Variants in MAGI1 observed in about 807,000 individuals in gnomAD.
MAGI1 encodes membrane associated guanylate kinase, WW and PDZ domain containing 1, also known as membrane-associated guanylate kinase, WW and PDZ domain-containing protein 1.
MAGI1 carries 58 observed loss-of-function variants against 139.9 expected under a neutral mutation model. The observed-to-expected ratio is 0.41, with a 90% confidence interval of 0.34 to 0.52. The LOEUF (loss-of-function observed/expected upper bound fraction) is 0.52, where lower values mean the gene tolerates loss of function less well. MAGI1 is among the 20% of genes least tolerant of loss of function. The pLI, the probability that MAGI1 is intolerant of heterozygous loss-of-function variation, is 0.12. For synonymous variants in MAGI1, 812 were observed against 737.9 expected, an observed-to-expected ratio of 1.10 and a Z score of -1.63; for missense variants, 1,874 against 1,901.6, an observed-to-expected ratio of 0.99 and a Z score of 0.27.
chr3:65,544,292 T>C (rs971194064), intron 2 of MAGI1, among the ~76,000 whole-genome samples: 2 of 152,148 alleles, frequency 1.3e-5, no homozygotes, highest in African/African-American at 2.4e-5. Flanking sequence ...AGCAAATGCT[T>C]CCAAGACCAT....
chr3:65,965,170 G>T (rs2064678774), intron 1 of MAGI1, among the ~76,000 whole-genome samples: 1 of 152,150 alleles, frequency 6.6e-6, no homozygotes, highest in South Asian at 2.1e-4. Flanking sequence ...TGTTCCATCT[G>T]CCCAGAGTAT....
chr3:65,375,166 A>G (rs1942378898), intron 18 of MAGI1, among the ~76,000 whole-genome samples: 2 of 151,792 alleles, frequency 1.3e-5, no homozygotes, highest in Non-Finnish European at 2.9e-5. Flanking sequence ...AGTTGAGGAA[A>G]GGGTGAAGAT....
chr3:65,528,147 T>A (rs1328137364), intron 2 of MAGI1, among the ~76,000 whole-genome samples: 1 of 152,136 alleles, frequency 6.6e-6, no homozygotes, highest in Non-Finnish European at 1.5e-5. Context: ...AGAAAAAAAC[T>A]GAAACACCTT....
At chr3:66,015,752 T>C (rs530150659) in intron 1 of MAGI1, among the ~76,000 whole-genome samples, 1 of 152,262 alleles carries the variant, frequency 6.6e-6, no homozygotes, top group South Asian at 2.1e-4. Flanking sequence ...GAAAGAAAAA[T>C]TGACCAAACC....
Position 65,411,486 on chromosome 3 carries a change from A to G in MAGI1, c.2168-10016T>C, listed in dbSNP as rs1421173082. Among the ~76,000 whole-genome samples the G allele has an allele frequency of 2.6e-5, 4 of 152,290 alleles. No individual in the cohort carries two copies. The East Asian group carries it at 7.7e-4, about 29-fold the overall frequency. ...TTGAGAGGGTGATTTTTAACTACAT[A>G]GGATGTACGGGGGGATTATGAAACA... On this transcript the variant is annotated intron_variant, in intron 12 of 22. Transcript: ENST00000402939.
intron 1 of MAGI1, among the ~76,000 whole-genome samples, chr3:65,936,935 G>A (rs1399978545): frequency 1.3e-5 from 2 of 150,736 alleles, no homozygotes; most frequent in African/African-American, 4.9e-5. Context: ...TGGTGGTGGT[G>A]ATGGTGGTGG....
At chr3:65,438,415 G>T (rs1374417944) in intron 9 of MAGI1, among the ~76,000 whole-genome samples, 1 of 152,052 alleles carries the variant, frequency 6.6e-6, no homozygotes, top group Non-Finnish European at 1.5e-5. Flanking sequence ...TTACTTAATG[G>T]GTACAATGTA....
intron 1 of MAGI1, among the ~76,000 whole-genome samples, chr3:65,708,863 G>C (rs2030863687): frequency 6.6e-6 from 1 of 152,146 alleles, no homozygotes; most frequent in South Asian, 2.1e-4. Flanking sequence ...GGTAGGTGAT[G>C]AACATGAGGA....
chr3:65,847,605 T>C (rs1037037219), intron 1 of MAGI1, among the ~76,000 whole-genome samples: 1 of 152,252 alleles, frequency 6.6e-6, no homozygotes, highest in Admixed American at 6.5e-5. Flanking sequence ...TCAAAATACA[T>C]GAATTTAAAA....
In MAGI1 at chr3:66,038,389, T is replaced by C. The variant is rs2069057743; in HGVS notation, c.-81A>G. 1 of 1,489,250 alleles carries C rather than the reference T, an allele frequency of 6.7e-7. No homozygotes were observed. The highest frequency in any genetic ancestry group is 8.9e-7 in the Non-Finnish European group (1 of 1,125,398). 92.3% of individuals were successfully genotyped at this position (1,489,250 alleles called of 1,614,324 possible). ...GCACGAGCCCCCAAGCCTCCGCTTG[T>C]TCATGGGAGAAACATCTCTCCCCAA... On this transcript the variant is annotated 5_prime_UTR_variant, in exon 1 of 23. Transcript: ENST00000402939.
At chr3:65,549,508 C>A (rs1447347667) in intron 2 of MAGI1, 2 of 984,782 alleles carry the variant, frequency 2.0e-6, no homozygotes, top group African/African-American at 3.5e-5. Context: ...TCTGAGCGGC[C>A]CGGCGGCAGC....
intron 1 of MAGI1, among the ~76,000 whole-genome samples, chr3:65,696,521 A>C (rs997417147): frequency 2.0e-5 from 3 of 152,180 alleles, no homozygotes; most frequent in Non-Finnish European, 4.4e-5. Flanking sequence ...AAATAAATGT[A>C]TTCCCCACTT....
At chr3:65,673,857 T>C (rs1439058284) in intron 1 of MAGI1, among the ~76,000 whole-genome samples, 2 of 152,228 alleles carry the variant, frequency 1.3e-5, no homozygotes, top group African/African-American at 4.8e-5. Flanking sequence ...AAAGCTTATC[T>C]ACTCAAGTTG....
chr3:65,930,340 A>AAAAAAAAAT (rs1416987470), intron 1 of MAGI1, among the ~76,000 whole-genome samples: 6 of 142,092 alleles, frequency 4.2e-5, no homozygotes, highest in Admixed American at 3.5e-4. Flanking sequence ...AAAAAAAAAA[A>AAAAAAAAAT]ATGTTATTTG....
chr3:66,019,375 C>T (rs955522630), intron 1 of MAGI1, among the ~76,000 whole-genome samples: 1 of 152,128 alleles, frequency 6.6e-6, no homozygotes, highest in African/African-American at 2.4e-5. Flanking sequence ...GTGGCACTTC[C>T]CAGATGTAAC....
chr3:65,540,523 C>T (rs2079161127), intron 2 of MAGI1, among the ~76,000 whole-genome samples: 1 of 152,088 alleles, frequency 6.6e-6, no homozygotes, highest in Admixed American at 6.6e-5. Flanking sequence ...ATATAGGGGG[C>T]TATCAATTTT....
intron 2 of MAGI1, among the ~76,000 whole-genome samples, chr3:65,564,431 G>C (rs552795002): frequency 3.5e-4 from 53 of 152,198 alleles, no homozygotes; most frequent in Middle Eastern, 6.8e-3. Context: ...AATAGATCTA[G>C]CCAAGGCAAA....
rs1941263296 is a variant in MAGI1, at chr3:65,364,894, G to A, written c.3249C>T (p.Thr1083=). 3.1e-6 allele frequency: 5 copies of A among 1,614,064 alleles called. No individual in the cohort carries two copies. In the African/African-American group the frequency reaches 4.0e-5, roughly 13 times the overall value. Residue 1083 remains threonine (T), a synonymous_variant, in exon 19 of 23, where the codon ACC becomes ACT. Coordinates refer to ENST00000402939, the MANE Select transcript of MAGI1 (RefSeq NM_001033057.2). Reference sequence around the variant, plus strand: ...CTTGCTGAGAAGGGGTGTGTGTGGTGGTGATGGTGGCAATCTTCTCTGCAT... The same window carrying A: ...CTTGCTGAGAAGGGGTGTGTGTGGTAGTGATGGTGGCAATCTTCTCTGCAT... The part of the protein sequence containing the change: ...LTNAEKIATI[T]TTHTPSQQGT...
intron 5 of MAGI1, among the ~76,000 whole-genome samples, chr3:65,461,707 C>G (rs928340777): frequency 3.9e-5 from 6 of 152,040 alleles, no homozygotes; most frequent in Admixed American, 2.6e-4. Context: ...CCAGGATGGT[C>G]TCGATCTCCT....
Sources: gnomAD v4.1 joint callset for allele counts (sites outside exome capture counted in the v4.1 genomes callset) on GRCh38, gnomAD v4.1.1 for gene constraint, MANE v1.5 for transcripts, NCBI Gene and HGNC (gene_info 2026-07-23, HGNC 2026-07-21) for gene names.